FRAS1: variants seen among roughly 807,000 people sequenced by gnomAD.
The protein encoded by FRAS1 is Fraser extracellular matrix complex subunit 1.
A neutral mutation model predicts 435.2 loss-of-function variants in FRAS1; 290 were observed. The ratio of observed to expected loss-of-function variants is 0.67; its 90% CI spans 0.61 to 0.73. The LOEUF (loss-of-function observed/expected upper bound fraction) is 0.73. Among genes scored for constraint, FRAS1 ranks in the 30% least tolerant of loss-of-function variants. The pLI, the probability that FRAS1 is intolerant of heterozygous loss-of-function variation, is 0.00. For synonymous variants in FRAS1, 1,800 were observed against 1,851.0 expected (o/e 0.97, Z 0.71); for missense variants, 4,860 against 5,001.5 (o/e 0.97, Z 0.85).
At chr4:78,397,590 T>A (rs1157431159) in intron 29 of FRAS1, among the ~76,000 whole-genome samples, 4 of 152,132 alleles carry the variant, frequency 2.6e-5, no homozygotes, top group Non-Finnish European at 4.4e-5. Flanking sequence ...TGAGGTATCT[T>A]ACAGAATTTG....
At chr4:78,156,710 A>T (rs1259886771) in intron 2 of FRAS1, among the ~76,000 whole-genome samples, 3 of 152,182 alleles carry the variant, frequency 2.0e-5, no homozygotes, top group Admixed American at 2.0e-4. Flanking sequence ...GAATTGAATG[A>T]TTCTAAGTGT....
chr4:78,417,565 G>A (rs1733601306), intron 32 of FRAS1, among the ~76,000 whole-genome samples: 1 of 152,068 alleles, frequency 6.6e-6, no homozygotes, highest in South Asian at 2.1e-4. Context: ...GCTGCTATTC[G>A]CAATTCTAAT....
intron 2 of FRAS1, among the ~76,000 whole-genome samples, chr4:78,145,207 C>T (rs745671406): frequency 1.3e-5 from 2 of 152,100 alleles, no homozygotes; most frequent in Non-Finnish European, 2.9e-5. Context: ...CAGTTTACAA[C>T]AGGGTACTAA....
intron 2 of FRAS1, among the ~76,000 whole-genome samples, chr4:78,145,229 G>C (rs964255086): frequency 6.6e-6 from 1 of 152,062 alleles, no homozygotes; most frequent in Non-Finnish European, 1.5e-5. Flanking sequence ...CAGGGCTTTC[G>C]AAGTGAGGAC....
intron 18 of FRAS1, among the ~76,000 whole-genome samples, chr4:78,325,135 A>G (rs993068983): frequency 2.0e-5 from 3 of 152,204 alleles, no homozygotes; most frequent in Non-Finnish European, 2.9e-5. Context: ...TAGATTGGTG[A>G]TGGAACTTTG....
intron 2 of FRAS1, among the ~76,000 whole-genome samples, chr4:78,165,217 A>G (rs538249432): frequency 2.6e-5 from 4 of 152,292 alleles, no homozygotes; most frequent in African/African-American, 9.6e-5. Flanking sequence ...CACTTTCATC[A>G]TTGCCTCTTT....
intron 2 of FRAS1, among the ~76,000 whole-genome samples, chr4:78,068,110 G>A (rs535613386): frequency 9.2e-5 from 14 of 152,210 alleles, no homozygotes; most frequent in African/African-American, 2.9e-4. Context: ...GACAATTAGA[G>A]ACCTGCTATT....
intron 70 of FRAS1, among the ~76,000 whole-genome samples, chr4:78,527,420 G>C (rs1382388294): frequency 6.6e-6 from 1 of 152,152 alleles, no homozygotes; most frequent in African/African-American, 2.4e-5. Flanking sequence ...TAGAGCAGAG[G>C]ATTAAAAGTA....
intron 40 of FRAS1, 149 bp downstream of exon 40, chr4:78,439,213 T>C (rs1404540592): frequency 9.1e-6 from 6 of 658,046 alleles, no homozygotes; most frequent in Admixed American, 3.0e-5. Flanking sequence ...TGGTTTTCAA[T>C]CATGAGTGTT....
At chr4:78,342,910 AT>A (rs888847945) in intron 20 of FRAS1, among the ~76,000 whole-genome samples, 11 of 152,302 alleles carry the variant, frequency 7.2e-5, no homozygotes, top group African/African-American at 2.6e-4. Flanking sequence ...TTTATGAAGT[AT>A]TTTTTTAAAT....
chr4:78,312,501 G>C (rs1729067135), intron 15 of FRAS1, among the ~76,000 whole-genome samples: 1 of 151,854 alleles, frequency 6.6e-6, no homozygotes, highest in African/African-American at 2.4e-5. Context: ...CTATTCATAA[G>C]CTTTAGAGCA....
Position 78,317,527 on chromosome 4 carries a change from T to A in FRAS1, c.1960+19T>A, listed in dbSNP as rs1469760422. 6.2e-7 allele frequency: 1 copy of A among 1,603,540 alleles called. No individual in the cohort carries two copies. Among genetic ancestry groups the A allele is most frequent in the East Asian group, 2.2e-5 (1 of 44,688 alleles). ...TGCAAAGGTATCGTTGGTGTCACCA[T>A]CATTCTTGAGAGGCTATCCCACAAG... On this transcript the variant is annotated intron_variant, in intron 17 of 73. Transcript: ENST00000512123.
chr4:78,080,514 T>C (rs1443233784), intron 2 of FRAS1, among the ~76,000 whole-genome samples: 1 of 152,218 alleles, frequency 6.6e-6, no homozygotes, highest in Non-Finnish European at 1.5e-5. Context: ...GAATAGCTTT[T>C]ATCTTAATTG....
intron 14 of FRAS1, among the ~76,000 whole-genome samples, chr4:78,287,544 A>G (rs1727669588): frequency 6.6e-6 from 1 of 152,172 alleles, no homozygotes; most frequent in African/African-American, 2.4e-5. Flanking sequence ...CTGCAGCTAA[A>G]CATAACGGGG....
chr4:78,335,678 G>A (rs1216496239), intron 19 of FRAS1, among the ~76,000 whole-genome samples: 1 of 152,148 alleles, frequency 6.6e-6, no homozygotes, highest in Non-Finnish European at 1.5e-5. Context: ...AGGTAACTGT[G>A]CACTTCCCAG....
At chr4:78,362,812 G>A (rs186980796) in intron 20 of FRAS1, among the ~76,000 whole-genome samples, 1 of 152,114 alleles carries the variant, frequency 6.6e-6, no homozygotes, top group Non-Finnish European at 1.5e-5. Flanking sequence ...CCAAAATCAG[G>A]TTGTCTCTTC....
In FRAS1 at chr4:78,540,776, G is replaced by A. The variant is rs763273156; in HGVS notation, c.11691G>A (p.Ala3897=). ...NLEMQELAVA[A]SLSQTGASIG... is the part of the protein sequence containing the mutation. The stretch of plus-strand genomic sequence containing the variant: ...AGATGCAAGAGTTGGCGGTAGCTGC[G>A]TCCCTGTCACAGACTGGGGCGTCCA... The change falls in exon 74 of 74, where the codon GCG becomes GCA. Residue 3897 remains alanine, a synonymous_variant. Transcript: ENST00000512123. The A allele has an allele frequency of 2.0e-5, 32 of 1,613,776 alleles. No homozygotes were observed. Among genetic ancestry groups the A allele is most frequent in the African/African-American group, 2.7e-5 (2 of 75,016 alleles).
At chr4:78,497,795 G>C (rs772175861) in intron 60 of FRAS1, among the ~76,000 whole-genome samples, 1 of 151,998 alleles carries the variant, frequency 6.6e-6, no homozygotes. Context: ...GTGACTCTTA[G>C]GGTTTCTAGG....
chr4:78,411,337 C>A (rs1733327698), intron 31 of FRAS1, among the ~76,000 whole-genome samples: 2 of 152,138 alleles, frequency 1.3e-5, no homozygotes, highest in South Asian at 4.1e-4. Context: ...GTCTCGAACT[C>A]CTGACATCAA....
Sources: allele counts gnomAD v4.1 joint callset (sites outside exome capture counted in the v4.1 genomes callset), GRCh38; gene constraint gnomAD v4.1.1; transcripts MANE v1.5; gene names NCBI Gene and HGNC (gene_info 2026-07-23, HGNC 2026-07-21).